MCF2L: variants seen among roughly 807,000 people sequenced by gnomAD.
MCF2L encodes the protein guanine nucleotide exchange factor DBS.
Under a neutral mutation model 153.4 loss-of-function variants are expected in MCF2L, and 97 were observed. The ratio of observed to expected loss-of-function variants is 0.63; its 90% confidence interval spans 0.54 to 0.75. The LOEUF (loss-of-function observed/expected upper bound fraction) is 0.75. Among genes scored for constraint, MCF2L ranks in the 30% least tolerant of loss-of-function variants. MCF2L has a pLI of 0.00. For synonymous variants in MCF2L, 659 were observed against 632.2 expected (o/e 1.04, Z -0.64); for missense variants, 1,347 against 1,495.2 (o/e 0.90, Z 1.64).
intron 9 of MCF2L, among the ~76,000 whole-genome samples, chr13:113,071,141 G>C (rs926312376): frequency 1.3e-5 from 2 of 152,094 alleles, no homozygotes; most frequent in Non-Finnish European, 2.9e-5. Context: ...CCCCAGTGTT[G>C]ATGGTGCTAA....
Position 112,969,615 on chromosome 13 carries a change from T to A in MCF2L, c.79+157T>A. 1 of 855,968 alleles carries A rather than the reference T, an allele frequency of 1.2e-6. No individual in the cohort carries two copies. The highest frequency in any genetic ancestry group is 1.8e-5 in the African/African-American group (1 of 54,842). The allele number at this position is 855,968 out of a possible 1,614,324, so 53.0% of individuals were successfully genotyped here. A position where few individuals can be genotyped will look rare whatever the true frequency, so the allele number is the denominator to read the frequency against. ...GGGCACTGGTTGGCAGCTGGTGTGT[T>A]TTCAGAGGCTGTCGGCGATCGTATG... On this transcript the variant is annotated intron_variant, in intron 1 of 29. Transcript: ENST00000535094. The surrounding 1 kb of genome is among the most constrained non-coding windows in gnomAD (Gnocchi z 4.8).
chr13:113,018,945 G>A (rs1010635401), intron 2 of MCF2L, among the ~76,000 whole-genome samples: 17 of 152,204 alleles, frequency 1.1e-4, no homozygotes, highest in African/African-American at 3.9e-4. Context: ...ACCTGGATTT[G>A]ACAGGATTGC....
intron 1 of MCF2L, chr13:112,985,185 G>A (rs2082585368): frequency 5.8e-6 from 2 of 347,382 alleles, no homozygotes; most frequent in Admixed American, 3.7e-5. Flanking sequence ...CATCAGGGCG[G>A]AGCAGGAATC....
chr13:112,952,302 C>T (rs1281469388), intron 2 of MCF2L, among the ~76,000 whole-genome samples: 1 of 152,186 alleles, frequency 6.6e-6, no homozygotes, highest in Non-Finnish European at 1.5e-5. Flanking sequence ...GGTTCAGGCT[C>T]AGAGACCTTG....
chr13:112,898,787 G>A (rs1038513198), intron 1 of MCF2L, among the ~76,000 whole-genome samples: 5 of 152,048 alleles, frequency 3.3e-5, no homozygotes, highest in Admixed American at 6.6e-5. Flanking sequence ...TCTGCCTCCC[G>A]CTTCTCTCCT....
At chr13:112,901,403 G>A (rs993329604) in intron 1 of MCF2L, among the ~76,000 whole-genome samples, 21 of 152,228 alleles carry the variant, frequency 1.4e-4, no homozygotes, top group African/African-American at 3.9e-4. Flanking sequence ...ATTCGCCGGC[G>A]TCGGCCTCCC....
At chr13:113,033,348 TG>T (rs1256799708) in intron 3 of MCF2L, among the ~76,000 whole-genome samples, 3 of 119,840 alleles carry the variant, frequency 2.5e-5, no homozygotes, top group East Asian at 3.1e-4. Flanking sequence ...GTGACATTAG[TG>T]GACCCCGTGG....
intron 1 of MCF2L, among the ~76,000 whole-genome samples, chr13:113,006,581 C>G (rs932922489): frequency 6.6e-6 from 1 of 152,216 alleles, no homozygotes; most frequent in African/African-American, 2.4e-5. Context: ...GCTCAGCTGC[C>G]TCTGAACCGG....
At chr13:112,972,364 TGGATG>T (rs569060638) in intron 1 of MCF2L, among the ~76,000 whole-genome samples, 447 of 31,338 alleles carry the variant, frequency 0.014, 1 homozygote, top group African/African-American at 0.035. Context: ...AGTGGGTGGA[TGGATG>T]GATGGATGGA....
At chr13:112,996,335 A>C (rs1340404523) in intron 1 of MCF2L, among the ~76,000 whole-genome samples, 2 of 152,130 alleles carry the variant, frequency 1.3e-5, no homozygotes. Context: ...AATAAATAAA[A>C]GGCGTTGACT....
In MCF2L at chr13:113,094,512, A is replaced by G. The variant is rs2035485479; in HGVS notation, c.2954-2A>G. 1 of 1,610,012 alleles carries G rather than the reference A, an allele frequency of 6.2e-7. No homozygotes were observed. Among genetic ancestry groups the G allele is most frequent in the Non-Finnish European group, 8.5e-7 (1 of 1,178,614 alleles). ...TCCCTCACGGGTGTCTGTCTCTCTTAGGTTGGAGCAAAACGTCCCACTCAC... is the reference window on the plus strand; with the variant it reads ...TCCCTCACGGGTGTCTGTCTCTCTTGGGTTGGAGCAAAACGTCCCACTCAC... On this transcript the variant is annotated splice_acceptor_variant, in intron 26 of 29. Coordinates refer to ENST00000535094, the MANE Select transcript of MCF2L (RefSeq NM_001112732.3). LOFTEE classifies it high-confidence loss of function.
At chr13:112,987,070 G>A (rs550407578) in intron 1 of MCF2L, among the ~76,000 whole-genome samples, 13 of 152,268 alleles carry the variant, frequency 8.5e-5, no homozygotes, top group Non-Finnish European at 1.9e-4. Flanking sequence ...TTTCCATCTC[G>A]GTGGGTCCTT....
At chr13:113,084,832 C>A in intron 18 of MCF2L, 60 bp from the exon 19 acceptor site, 2 of 1,313,092 alleles carry the variant, frequency 1.5e-6, no homozygotes, top group Non-Finnish European at 2.2e-6. Context: ...GCCCGTCCCT[C>A]ACCGCGTGAT....
intron 2 of MCF2L, chr13:112,909,542 G>A (rs2081209248): frequency 4.1e-6 from 2 of 489,258 alleles, no homozygotes; most frequent in Admixed American, 3.3e-5. Context: ...TTGGATGCAG[G>A]TAGTGCTCAG....
intron 2 of MCF2L, among the ~76,000 whole-genome samples, chr13:112,950,690 C>G (rs1469720642): frequency 6.6e-6 from 1 of 152,162 alleles, no homozygotes; most frequent in Non-Finnish European, 1.5e-5. Flanking sequence ...ACAAAAGAAC[C>G]ATGAGCCAAG....
At position 113,055,385 on chromosome 13, in the gene MCF2L, CACACACACACA is replaced by C. The variant is rs1566811508; in HGVS notation, c.370-5207_370-5197del. Reference sequence around the variant, plus strand: ...GAGACGTGGACCCCCCCCCCCGCCACACACACACACACACACACACACACACACACACACAC... The same window carrying C: ...GAGACGTGGACCCCCCCCCCCGCCACCACACACACACACACACACACACAC... On this transcript the variant is annotated intron_variant, in intron 4 of 29. Coordinates refer to ENST00000535094, the MANE Select transcript of MCF2L (RefSeq NM_001112732.3). Among the ~76,000 whole-genome samples the C allele has an allele frequency of 6.7e-4, 6 of 8,930 alleles. 1 individual carries two copies. The highest frequency in any genetic ancestry group is 1.5e-3 in the Non-Finnish European group (6 of 3,904). 5.9% of individuals were successfully genotyped at this position (8,930 alleles called of 152,430 possible). A position where few individuals can be genotyped will look rare whatever the true frequency, so the allele number is the denominator to read the frequency against.
At position 112,960,395 on chromosome 13, in the gene MCF2L, T is replaced by C. The variant is rs551875161; in HGVS notation, c.170-54368T>C. 1.2e-4 allele frequency among the ~76,000 whole-genome samples: 18 copies of C among 152,248 alleles called. No homozygotes were observed. In the South Asian group the frequency reaches 2.7e-3, roughly 23 times the overall value. Reference sequence around the variant, plus strand: ...GGCCCCATGTCCCAGCACGGCGGCATTGGGGGTGAGGTTTCCCACACACGA... The same window carrying C: ...GGCCCCATGTCCCAGCACGGCGGCACTGGGGGTGAGGTTTCCCACACACGA... On this transcript the variant is annotated intron_variant, in intron 2 of 29. Transcript: ENST00000375608. This position sits in a 1 kb window ranked among gnomAD's most constrained non-coding sequence, Gnocchi z 4.2.
Position 113,074,711 on chromosome 13 carries a change from C to A in MCF2L, c.1116+148C>A. 1 of 1,229,174 alleles carries A rather than the reference C, an allele frequency of 8.1e-7. No individual in the cohort carries two copies. The allele number at this position is 1,229,174 out of a possible 1,614,324, so 76.1% of individuals were successfully genotyped here. On this transcript the variant is annotated intron_variant, in intron 10 of 29. Transcript: ENST00000535094. This position sits in a 1 kb window ranked among gnomAD's most constrained non-coding sequence, Gnocchi z 4.2. ...GTCCATGGGGTGGGGGGTGCTGCTG[C>A]CTGTACCCCTCCCCTCCCACACCCC...
intron 26 of MCF2L, chr13:113,091,236 G>T (rs1445928888): frequency 7.7e-7 from 1 of 1,302,582 alleles, no homozygotes; most frequent in South Asian, 1.2e-5. Flanking sequence ...CTCTGCGTTG[G>T]CAGGAAGCGC....
Sources: allele counts gnomAD v4.1 joint callset (sites outside exome capture counted in the v4.1 genomes callset), GRCh38; gene constraint gnomAD v4.1.1; non-coding constraint Gnocchi (gnomAD v3.1); transcripts MANE v1.5; gene names NCBI Gene and HGNC (gene_info 2026-07-23, HGNC 2026-07-21).